Variants in GFRA1 observed in about 807,000 individuals in gnomAD.
The protein encoded by GFRA1 is GDNF family receptor alpha-1.
Under a neutral mutation model 51.6 loss-of-function variants are expected in GFRA1, and 16 were observed. The observed-to-expected ratio is 0.31, with a 90% CI of 0.21 to 0.47. The LOEUF (loss-of-function observed/expected upper bound fraction) is 0.47. GFRA1 is among the 20% of genes least tolerant of loss of function. GFRA1 has a pLI of 1.00. For missense variants in GFRA1, 530 were observed against 594.3 expected, an observed-to-expected ratio of 0.89 and a Z score of 1.13; for synonymous variants, 270 against 241.3, an observed-to-expected ratio of 1.12 and a Z score of -1.10.
At position 116,075,649 on chromosome 10, in the gene GFRA1, T is replaced by TA. The variant is rs1460334685; in HGVS notation, c.1198-10024dup. 7.9e-3 allele frequency among the ~76,000 whole-genome samples: 1,195 copies of TA among 151,672 alleles called. 16 individuals carry two copies. The highest frequency in any genetic ancestry group is 0.027 in the African/African-American group (1,098 of 41,376). On this transcript the variant is annotated intron_variant, in intron 9 of 10. Coordinates refer to ENST00000355422, the MANE Select transcript of GFRA1 (RefSeq NM_005264.8). ...CCTAAGTATGATAGTCTCCTTTTCT[T>TA]AAAAAAAAATCAACACTGGAAACTA... is the stretch of plus-strand genomic sequence containing the variant.
chr10:116,123,913 G>C (rs1313422134), intron 6 of GFRA1, among the ~76,000 whole-genome samples: 1 of 152,074 alleles, frequency 6.6e-6, no homozygotes, highest in Non-Finnish European at 1.5e-5. Flanking sequence ...TATGTTTGTT[G>C]GTTTGTTTGT....
intron 5 of GFRA1, among the ~76,000 whole-genome samples, chr10:116,166,204 G>A (rs1185393784): frequency 2.0e-5 from 3 of 152,170 alleles, no homozygotes; most frequent in African/African-American, 7.2e-5. Context: ...ATCTTTGACA[G>A]GCATTTGGGT....
At chr10:116,161,378 T>C (rs530735520) in intron 5 of GFRA1, among the ~76,000 whole-genome samples, 18 of 152,334 alleles carry the variant, frequency 1.2e-4, no homozygotes, top group Admixed American at 6.5e-4. Flanking sequence ...AGGACCACCA[T>C]GTTCTGCAAG....
intron 4 of GFRA1, among the ~76,000 whole-genome samples, chr10:116,220,391 G>A (rs1049586809): frequency 1.3e-5 from 2 of 152,146 alleles, no homozygotes; most frequent in Non-Finnish European, 2.9e-5. Flanking sequence ...CCAGCTCTGT[G>A]TGATCCAGGT....
At chr10:116,153,417 C>T (rs1959135424) in intron 5 of GFRA1, among the ~76,000 whole-genome samples, 4 of 152,208 alleles carry the variant, frequency 2.6e-5, no homozygotes, top group Admixed American at 2.6e-4. Context: ...CCCATGGTTA[C>T]CTGGTCAGGG....
chr10:116,069,162 G>GT (rs1955254366), intron 9 of GFRA1, among the ~76,000 whole-genome samples: 1 of 152,104 alleles, frequency 6.6e-6, no homozygotes, highest in Non-Finnish European at 1.5e-5. Context: ...ACAGTTTGTG[G>GT]TTTTAACATG....
chr10:116,143,659 TCTC>T (rs1958671256), intron 5 of GFRA1, among the ~76,000 whole-genome samples: 2 of 5,402 alleles, frequency 3.7e-4, no homozygotes, highest in Non-Finnish European at 6.4e-4. Flanking sequence ...TCATTCATTC[TCTC>T]TCTCTCTCTC....
chr10:116,216,682 C>T (rs1965585695), intron 4 of GFRA1, among the ~76,000 whole-genome samples: 1 of 152,182 alleles, frequency 6.6e-6, no homozygotes, highest in Admixed American at 6.5e-5. Context: ...AATGCATGCA[C>T]TTAACTCCCA....
intron 5 of GFRA1, among the ~76,000 whole-genome samples, chr10:116,159,621 G>A (rs1959534503): frequency 6.6e-6 from 1 of 152,186 alleles, no homozygotes; most frequent in South Asian, 2.1e-4. Flanking sequence ...TGAATGTGGA[G>A]GGCTGGCTGG....
intron 6 of GFRA1, among the ~76,000 whole-genome samples, chr10:116,109,507 G>A (rs1328673638): frequency 3.3e-5 from 5 of 152,174 alleles, no homozygotes; most frequent in African/African-American, 7.2e-5. Context: ...GCAGTCCTGC[G>A]ACACAGCTAG....
At chr10:116,250,096 T>C (rs576764184) in intron 4 of GFRA1, among the ~76,000 whole-genome samples, 1 of 152,258 alleles carries the variant, frequency 6.6e-6, no homozygotes, top group South Asian at 2.1e-4. Flanking sequence ...GAGAGATGTG[T>C]GTGCTAGGGA....
intron 7 of GFRA1, among the ~76,000 whole-genome samples, chr10:116,095,536 T>C (rs1004975803): frequency 6.6e-6 from 1 of 152,304 alleles, no homozygotes; most frequent in African/African-American, 2.4e-5. Context: ...GGTACACTCA[T>C]TGGCCCAATC....
intron 6 of GFRA1, among the ~76,000 whole-genome samples, chr10:116,124,665 G>A (rs1957779920): frequency 6.6e-6 from 1 of 152,206 alleles, no homozygotes; most frequent in South Asian, 2.1e-4. Context: ...GGTTTCTGGT[G>A]GAGGCTGAGA....
chr10:116,257,924 C>G (rs4751959), intron 4 of GFRA1, among the ~76,000 whole-genome samples: 53,695 of 152,044 alleles, frequency 0.35, 9,594 homozygotes, highest in Non-Finnish European at 0.4. Context: ...GTGCCTTTGC[C>G]CAGGCTGTTG....
intron 5 of GFRA1, among the ~76,000 whole-genome samples, chr10:116,206,760 G>C (rs1249704602): frequency 6.6e-6 from 1 of 150,996 alleles, no homozygotes; most frequent in Non-Finnish European, 1.5e-5. Context: ...AGCCTCCCGA[G>C]TAGCTGGGAC....
chr10:116,203,265 A>T, intron 5 of GFRA1, among the ~76,000 whole-genome samples: 1 of 152,196 alleles, frequency 6.6e-6, no homozygotes, highest in East Asian at 1.9e-4. Context: ...AATCAACTAC[A>T]ATCGTATGTA....
intron 9 of GFRA1, among the ~76,000 whole-genome samples, chr10:116,088,869 C>T (rs1423911474): frequency 2.3e-5 from 3 of 132,008 alleles, no homozygotes; most frequent in African/African-American, 5.7e-5. Context: ...TGCAGTGAGC[C>T]GAGATTGCAC....
intron 5 of GFRA1, among the ~76,000 whole-genome samples, chr10:116,200,907 G>A (rs912257980): frequency 5.3e-5 from 8 of 152,178 alleles, no homozygotes; most frequent in Non-Finnish European, 7.4e-5. Flanking sequence ...TATGTGGAAC[G>A]CTCATTGACA....
At position 116,165,030 on chromosome 10, in the gene GFRA1, T is replaced by A. The variant is rs988882890; in HGVS notation, c.434-39473A>T. ...CTTGCAAGGGACAGACAGTTCTTAA[T>A]AACGTGTTATTGAATTTTAGAATTG... On this transcript the variant is annotated intron_variant, in intron 5 of 10. Transcript: ENST00000355422. Among the ~76,000 whole-genome samples, 3 of 152,330 alleles carry A rather than the reference T, an allele frequency of 2.0e-5. No homozygotes were observed. The Middle Eastern group carries it at 0.01, about 518-fold the overall frequency.
Sources: allele counts gnomAD v4.1 joint callset (sites outside exome capture counted in the v4.1 genomes callset), GRCh38; gene constraint gnomAD v4.1.1; transcripts MANE v1.5; gene names NCBI Gene and HGNC (gene_info 2026-07-23, HGNC 2026-07-21).